The following SORCS3 variants were observed in gnomAD, a reference collection of about 807,000 sequenced individuals.
SORCS3 encodes sortilin related VPS10 domain containing receptor 3.
A neutral mutation model predicts 146.3 loss-of-function variants in SORCS3; 57 were observed. That is an observed-to-expected ratio of 0.39 (90% confidence interval 0.31 to 0.49). The LOEUF (loss-of-function observed/expected upper bound fraction) is 0.49. Ranked by LOEUF, SORCS3 falls within the 20% of genes least tolerant of loss-of-function variation. The pLI is 0.92. For missense variants in SORCS3, 1,341 were observed against 1,575.5 expected (o/e 0.85, Z 2.52); for synonymous variants, 653 against 618.5 (o/e 1.06, Z -0.83).
chr10:104,741,905 C>G (rs941519646), intron 1 of SORCS3, among the ~76,000 whole-genome samples: 1 of 151,622 alleles, frequency 6.6e-6, no homozygotes, highest in African/African-American at 2.4e-5. Flanking sequence ...ACTTTAAACT[C>G]CTTATCAGAA....
chr10:105,011,496 A>G (rs790655), intron 4 of SORCS3, among the ~76,000 whole-genome samples: 7,036 of 152,176 alleles, frequency 0.046, 215 homozygotes, highest in East Asian at 0.16. Context: ...GTGTGTATCA[A>G]CAGTTCATTC....
chr10:104,967,596 A>G (rs2054832979), intron 3 of SORCS3, among the ~76,000 whole-genome samples: 1 of 152,120 alleles, frequency 6.6e-6, no homozygotes. Context: ...AGGGAGGCAA[A>G]TAATCCCCAC....
chr10:104,732,990 A>G (rs2016725586), intron 1 of SORCS3, among the ~76,000 whole-genome samples: 1 of 152,226 alleles, frequency 6.6e-6, no homozygotes. Context: ...GTGGGAGCCC[A>G]GTGGCAGAGT....
chr10:105,106,091 A>G (rs2055819377), intron 7 of SORCS3, among the ~76,000 whole-genome samples: 1 of 152,160 alleles, frequency 6.6e-6, no homozygotes, highest in East Asian at 1.9e-4. Context: ...TCTATTGTGT[A>G]CTATAAGGAG....
chr10:104,788,447 A>G (rs887778018), intron 1 of SORCS3, among the ~76,000 whole-genome samples: 3 of 152,236 alleles, frequency 2.0e-5, no homozygotes, highest in African/African-American at 4.8e-5. Context: ...TATATATAGT[A>G]TGAATCCACT....
intron 4 of SORCS3, among the ~76,000 whole-genome samples, chr10:104,981,213 C>T (rs1003208328): frequency 2.6e-5 from 4 of 152,192 alleles, no homozygotes; most frequent in Non-Finnish European, 5.9e-5. Flanking sequence ...ACCTCCCATG[C>T]CAGCTCCTTC....
rs141305705 is a variant in SORCS3, at chr10:104,670,161, G to A, written c.627+28207G>A. ...GTATGATTTGCAAATATTTTCTTCC[G>A]TTCTGCAGGTTGCCTTTTTACTCTG... On this transcript the variant is annotated intron_variant, in intron 1 of 26. Transcript: ENST00000369701. Among the ~76,000 whole-genome samples, 290 of 152,036 alleles carry A rather than the reference G, an allele frequency of 1.9e-3. 1 individual carries two copies. Among genetic ancestry groups the A allele is most frequent in the African/African-American group, 5.8e-3 (239 of 41,496 alleles).
At chr10:104,940,228 ATATATATATATTTTTTT>A (rs745943264) in intron 3 of SORCS3, among the ~76,000 whole-genome samples, 7,527 of 34,172 alleles carry the variant, frequency 0.22, 560 homozygotes, top group South Asian at 0.42. Flanking sequence ...ATATATATAT[ATATATATATATTTTTTT>A]TTTTTTTTTT....
chr10:105,079,765 T>G (rs2055611178), intron 5 of SORCS3, among the ~76,000 whole-genome samples: 1 of 152,140 alleles, frequency 6.6e-6, no homozygotes, highest in South Asian at 2.1e-4. Flanking sequence ...GTTGTTCCCC[T>G]CTTTGTGTCA....
intron 1 of SORCS3, among the ~76,000 whole-genome samples, chr10:104,689,009 TACTC>T (rs1256589861): frequency 4.6e-5 from 7 of 152,200 alleles, no homozygotes; most frequent in Non-Finnish European, 7.4e-5. Context: ...AGTGGCCTCT[TACTC>T]AGTTAACACC....
At chr10:105,176,380 C>T (rs1205427404) in intron 13 of SORCS3, among the ~76,000 whole-genome samples, 1 of 148,022 alleles carries the variant, frequency 6.8e-6, no homozygotes, top group Admixed American at 6.9e-5. Flanking sequence ...CCCACCTCTA[C>T]AAAAATAATT....
In SORCS3 at chr10:104,728,021, T is replaced by TTCTATCTATCTA. The variant is rs56299885; in HGVS notation, c.627+86108_627+86119dup. ...GACCACTGCTTTATATATATAACAG[T>TTCTATCTATCTA]TCTATCTATCTATCTATCTATCTAT... On this transcript the variant is annotated intron_variant, in intron 1 of 26. Transcript: ENST00000369701. Among the ~76,000 whole-genome samples, 124 of 146,708 alleles carry TTCTATCTATCTA rather than the reference T, an allele frequency of 8.5e-4. 1 individual carries two copies. The highest frequency in any genetic ancestry group is 1.6e-3 in the South Asian group (7 of 4,466).
intron 1 of SORCS3, among the ~76,000 whole-genome samples, chr10:104,737,517 C>T (rs1156928954): frequency 6.6e-6 from 1 of 152,172 alleles, no homozygotes; most frequent in African/African-American, 2.4e-5. Flanking sequence ...ATTTGCATTT[C>T]TCTGATGGCC....
At chr10:104,808,619 G>A (rs546684345) in intron 1 of SORCS3, among the ~76,000 whole-genome samples, 1 of 152,336 alleles carries the variant, frequency 6.6e-6, no homozygotes, top group South Asian at 2.1e-4. Flanking sequence ...GCAATTTGCA[G>A]TTGTTTCCAT....
At chr10:104,860,645 C>A (rs1173700070) in intron 2 of SORCS3, among the ~76,000 whole-genome samples, 1 of 152,040 alleles carries the variant, frequency 6.6e-6, no homozygotes, top group Non-Finnish European at 1.5e-5. Context: ...TTACACTTAC[C>A]AAGTACCATG....
intron 14 of SORCS3, 52 bp from the exon 15 acceptor site, chr10:105,199,947 G>C: frequency 7.6e-7 from 1 of 1,315,192 alleles, no homozygotes; most frequent in Non-Finnish European, 1.1e-6. Flanking sequence ...ATTAGTGACT[G>C]ACTATGGGAC....
At chr10:104,845,654 A>G (rs137938071) in intron 2 of SORCS3, among the ~76,000 whole-genome samples, 248 of 152,244 alleles carry the variant, frequency 1.6e-3, no homozygotes, top group Admixed American at 3.4e-3. Flanking sequence ...ATTAGCAGAG[A>G]TCTTTGAGGT....
chr10:105,083,332 A>C (rs182953265), intron 5 of SORCS3, among the ~76,000 whole-genome samples: 1 of 152,002 alleles, frequency 6.6e-6, no homozygotes, highest in Non-Finnish European at 1.5e-5. Flanking sequence ...CATTAAGCAC[A>C]GGGAGCTTTA....
chr10:104,872,529 A>G (rs779639209), intron 2 of SORCS3, among the ~76,000 whole-genome samples: 1 of 151,496 alleles, frequency 6.6e-6, no homozygotes, highest in Non-Finnish European at 1.5e-5. Context: ...CTTTTTATTC[A>G]GAAAGTTGGA....
Sources: allele counts gnomAD v4.1 joint callset (sites outside exome capture counted in the v4.1 genomes callset), GRCh38; gene constraint gnomAD v4.1.1; transcripts MANE v1.5; gene names NCBI Gene and HGNC (gene_info 2026-07-23, HGNC 2026-07-21).